The following GRM4 variants were observed in gnomAD, a reference collection of about 807,000 sequenced individuals.
The protein encoded by GRM4 is glutamate metabotropic receptor 4, also known as metabotropic glutamate receptor 4.
GRM4 carries 28 observed loss-of-function variants against 81.7 expected under a neutral mutation model. The ratio of observed to expected loss-of-function variants is 0.34; its 90% CI spans 0.25 to 0.47. The LOEUF (loss-of-function observed/expected upper bound fraction) is 0.47. Among genes scored for constraint, GRM4 ranks in the 20% least tolerant of loss-of-function variants. The pLI, the probability that GRM4 is intolerant of heterozygous loss-of-function variation, is 1.00. For missense variants in GRM4, 948 were observed against 1,290.0 expected (o/e 0.73, Z 4.06); for synonymous variants, 488 against 528.8 (o/e 0.92, Z 1.06).
At chr6:34,030,996 C>T (rs1764385057) in intron 9 of GRM4, among the ~76,000 whole-genome samples, 4 of 152,320 alleles carry the variant, frequency 2.6e-5, no homozygotes, top group South Asian at 4.1e-4. Context: ...TTGAGCCCCA[C>T]CATGGGAGCC....
At chr6:34,094,355 A>G (rs1243629443) in intron 2 of GRM4, among the ~76,000 whole-genome samples, 2 of 152,220 alleles carry the variant, frequency 1.3e-5, no homozygotes, top group South Asian at 2.1e-4. Flanking sequence ...ACACTCGACT[A>G]TACTGGAATC....
intron 2 of GRM4, among the ~76,000 whole-genome samples, chr6:34,109,099 C>T (rs1769257687): frequency 6.6e-6 from 1 of 152,204 alleles, no homozygotes; most frequent in Admixed American, 6.5e-5. Context: ...AAGCCTAGGC[C>T]CATCAATGCC....
At chr6:34,058,507 G>A (rs934322849) in intron 5 of GRM4, among the ~76,000 whole-genome samples, 1 of 152,136 alleles carries the variant, frequency 6.6e-6, no homozygotes, top group African/African-American at 2.4e-5. Context: ...TAACGAGAAC[G>A]TCACACCTCA....
chr6:34,033,198 G>A (rs1217496181), intron 9 of GRM4, among the ~76,000 whole-genome samples: 2 of 152,184 alleles, frequency 1.3e-5, no homozygotes, highest in African/African-American at 2.4e-5. Flanking sequence ...GGCTTGCAAG[G>A]TGGGATCCCC....
chr6:34,133,744 T>C lies in GRM4; in HGVS notation c.-248A>G, dbSNP rs1581731316. The C allele has an allele frequency of 3.2e-6, 4 of 1,261,992 alleles. No individual in the cohort carries two copies. Among genetic ancestry groups the C allele is most frequent in the Non-Finnish European group, 4.0e-6 (4 of 1,006,824 alleles). 78.2% of individuals were successfully genotyped at this position (1,261,992 alleles called of 1,614,324 possible). On this transcript the variant is annotated 5_prime_UTR_variant, in exon 2 of 11. Coordinates refer to ENST00000538487, the MANE Select transcript of GRM4 (RefSeq NM_000841.4). The surrounding 1 kb of genome is among the most constrained non-coding windows in gnomAD (Gnocchi z 6.5). ...GGGGTTGCAGGAAGGCTCTGATCCTTGTCCCGTCCTGCAGGCCTGTTCTCG... is the reference window on the plus strand; with the variant it reads ...GGGGTTGCAGGAAGGCTCTGATCCTCGTCCCGTCCTGCAGGCCTGTTCTCG...
At chr6:34,084,784 A>G (rs2127481220) in intron 3 of GRM4, among the ~76,000 whole-genome samples, 1 of 151,990 alleles carries the variant, frequency 6.6e-6, no homozygotes, top group Non-Finnish European at 1.5e-5. Context: ...TTTTGTTCCT[A>G]CTGTTCTCCC....
chr6:34,081,110 G>A (rs1180194732), intron 3 of GRM4, among the ~76,000 whole-genome samples: 1 of 152,044 alleles, frequency 6.6e-6, no homozygotes, highest in Admixed American at 6.5e-5. Context: ...CTTAAAAGGA[G>A]GACTCAGTCT....
intron 3 of GRM4, among the ~76,000 whole-genome samples, chr6:34,075,970 A>C (rs1356221329): frequency 6.6e-6 from 1 of 152,208 alleles, no homozygotes; most frequent in Non-Finnish European, 1.5e-5. Context: ...GCGCTGGGCT[A>C]GTGGCAGAGA....
intron 3 of GRM4, among the ~76,000 whole-genome samples, chr6:34,076,859 G>A (rs963438655): frequency 1.3e-5 from 2 of 152,124 alleles, no homozygotes; most frequent in African/African-American, 4.8e-5. Flanking sequence ...ACGCTTGGGG[G>A]CTTGCTTGGC....
chr6:34,155,427 T>G, exon 1 of GRM4: 1 of 1,398,332 alleles, frequency 7.2e-7, no homozygotes, highest in Non-Finnish European at 9.4e-7. Flanking sequence ...TCCCTCTGTG[T>G]GACAGGCCGG....
At chr6:34,123,956 C>G (rs1303446884) in intron 2 of GRM4, among the ~76,000 whole-genome samples, 2 of 152,148 alleles carry the variant, frequency 1.3e-5, no homozygotes, top group Non-Finnish European at 2.9e-5. Flanking sequence ...CCAGGAAGGC[C>G]CGAGTGTGCA....
At chr6:34,028,935 C>G (rs910846957) in intron 9 of GRM4, among the ~76,000 whole-genome samples, 1 of 152,200 alleles carries the variant, frequency 6.6e-6, no homozygotes, top group African/African-American at 2.4e-5. Flanking sequence ...CGGCACCCAT[C>G]GCGATATGGT....
In GRM4 at chr6:34,068,490, C is replaced by A. The variant is rs1238319272; in HGVS notation, c.737-6462G>T. ...GCCCCCACTGTGCCTGGGATGCTCT[C>A]CTTGCAGCACTTCCCCATCCTCCCT... On this transcript the variant is annotated intron_variant, in intron 3 of 10. Coordinates refer to ENST00000538487, the MANE Select transcript of GRM4 (RefSeq NM_000841.4). The surrounding 1 kb of genome is among the most constrained non-coding windows in gnomAD (Gnocchi z 4.2). Among the ~76,000 whole-genome samples, 1 of 152,102 alleles carries A rather than the reference C, an allele frequency of 6.6e-6. No homozygotes were observed. Among genetic ancestry groups the A allele is most frequent in the Non-Finnish European group, 1.5e-5 (1 of 67,994 alleles).
intron 2 of GRM4, among the ~76,000 whole-genome samples, chr6:34,126,855 C>T (rs1259488145): frequency 6.6e-6 from 1 of 152,220 alleles, no homozygotes; most frequent in East Asian, 1.9e-4. Flanking sequence ...GGCGTAGAGC[C>T]TAGCGGGGGC....
At chr6:34,132,843 G>A in intron 2 of GRM4, 135 bp downstream of exon 2, 1 of 670,518 alleles carries the variant, frequency 1.5e-6, no homozygotes, top group Non-Finnish European at 2.5e-6. Context: ...ACACTGCTCT[G>A]AGGAAAAAAC....
chr6:34,099,966 A>C, intron 2 of GRM4: 2 of 739,286 alleles, frequency 2.7e-6, no homozygotes, highest in Non-Finnish European at 3.3e-6. Context: ...CCCTCCGGGA[A>C]TTCGAATCAG....
rs1162715173 is a variant in GRM4, at chr6:34,042,682, C to G, written c.1169-1934G>C. The stretch of plus-strand genomic sequence containing the variant: ...GTGCACACCTGCACCTGTGTCCTGC[C>G]CCCATAGGCCAGGGTTAAGCTGGGT... On this transcript the variant is annotated intron_variant, in intron 6 of 10. Coordinates refer to ENST00000538487, the MANE Select transcript of GRM4 (RefSeq NM_000841.4). The surrounding 1 kb of genome is among the most constrained non-coding windows in gnomAD (Gnocchi z 4.2). 6.6e-6 allele frequency among the ~76,000 whole-genome samples: 1 copy of G among 152,172 alleles called. No homozygotes were observed. Among genetic ancestry groups the G allele is most frequent in the Non-Finnish European group, 1.5e-5 (1 of 68,004 alleles).
At chr6:34,142,848 G>A (rs543247031) in intron 1 of GRM4, among the ~76,000 whole-genome samples, 15 of 152,330 alleles carry the variant, frequency 9.8e-5, no homozygotes, top group South Asian at 2.1e-4. Flanking sequence ...AGCGGCCTAC[G>A]CAAGGCCACT....
intron 5 of GRM4, among the ~76,000 whole-genome samples, chr6:34,057,524 G>A (rs909641185): frequency 6.6e-6 from 1 of 152,184 alleles, no homozygotes; most frequent in Non-Finnish European, 1.5e-5. Context: ...CCTGTGGGGG[G>A]CCATCCTGTG....
Sources: gnomAD v4.1 joint callset for allele counts (sites outside exome capture counted in the v4.1 genomes callset) on GRCh38, gnomAD v4.1.1 for gene constraint, Gnocchi (gnomAD v3.1) non-coding constraint, MANE v1.5 for transcripts, NCBI Gene and HGNC (gene_info 2026-07-23, HGNC 2026-07-21) for gene names.